The following ATG10 variants were observed in gnomAD, a reference collection of about 807,000 sequenced individuals.
The protein encoded by ATG10 is autophagy related 10, also known as ubiquitin-like-conjugating enzyme ATG10.
Under a neutral mutation model 32.1 loss-of-function variants are expected in ATG10, and 30 were observed. The observed-to-expected ratio is 0.94, with a 90% confidence interval of 0.70 to 1.27. The LOEUF (loss-of-function observed/expected upper bound fraction) is 1.27, where lower values mean the gene tolerates loss of function less well. ATG10 is among the 50% of genes most tolerant of loss of function. The probability of loss-of-function intolerance (pLI) is 0.00; values close to 1 mark genes in which losing one functional copy is unlikely to be tolerated. For synonymous variants in ATG10, 87 were observed against 91.5 expected (o/e 0.95, Z 0.28); for missense variants, 233 against 262.3 (o/e 0.89, Z 0.77).
chr5:82,238,350 C>T lies in ATG10; in HGVS notation c.454-14212C>T, dbSNP rs528456760. Among the ~76,000 whole-genome samples the T allele has an allele frequency of 6.7e-5, 10 of 149,590 alleles. No homozygotes were observed. In the East Asian group the frequency reaches 8.0e-4, roughly 12 times the overall value. ...GTCCTATTACCACGCCCCACCCACCCGACCCCTAACCACTGCCCAGCCATC... is the reference window on the plus strand; with the variant it reads ...GTCCTATTACCACGCCCCACCCACCTGACCCCTAACCACTGCCCAGCCATC... On this transcript the variant is annotated intron_variant, in intron 5 of 7. Transcript: ENST00000282185.
At chr5:82,115,981 G>A (rs566339975) in intron 3 of ATG10, among the ~76,000 whole-genome samples, 132 of 152,234 alleles carry the variant, frequency 8.7e-4, no homozygotes, top group Admixed American at 2.8e-3. Context: ...AACACAGTTT[G>A]CGTAGAAAGT....
intron 2 of ATG10, among the ~76,000 whole-genome samples, chr5:82,001,304 A>T (rs1761842229): frequency 6.6e-6 from 1 of 152,210 alleles, no homozygotes; most frequent in South Asian, 2.1e-4. Context: ...AAACAGTTTT[A>T]AAATTCATAT....
chr5:82,060,540 T>C (rs1763731919), intron 3 of ATG10, among the ~76,000 whole-genome samples: 1 of 152,172 alleles, frequency 6.6e-6, no homozygotes, highest in South Asian at 2.1e-4. Flanking sequence ...GAAATGATAT[T>C]CTAGGTGACT....
At chr5:82,234,889 C>CA (rs1310448276) in intron 5 of ATG10, among the ~76,000 whole-genome samples, 1 of 152,170 alleles carries the variant, frequency 6.6e-6, no homozygotes, top group African/African-American at 2.4e-5. Flanking sequence ...TTTTTGACAA[C>CA]AAAGTATTAC....
intron 4 of ATG10, among the ~76,000 whole-genome samples, chr5:82,177,086 G>A (rs1166944317): frequency 6.6e-6 from 1 of 152,108 alleles, no homozygotes; most frequent in Non-Finnish European, 1.5e-5. Flanking sequence ...AGAATTACTG[G>A]AATAATTGTG....
At chr5:81,985,235 A>G (rs1303928447) in intron 1 of ATG10, among the ~76,000 whole-genome samples, 2 of 152,220 alleles carry the variant, frequency 1.3e-5, no homozygotes, top group Non-Finnish European at 2.9e-5. Flanking sequence ...AGTGTTCTTT[A>G]TGAATGAAAG....
chr5:82,055,196 C>G (rs1763553421), intron 2 of ATG10, among the ~76,000 whole-genome samples: 1 of 151,902 alleles, frequency 6.6e-6, no homozygotes, highest in Non-Finnish European at 1.5e-5. Flanking sequence ...CCAAAAAACT[C>G]TATATTTAAT....
intron 2 of ATG10, among the ~76,000 whole-genome samples, chr5:82,001,367 G>A (rs1023696851): frequency 6.6e-6 from 1 of 152,136 alleles, no homozygotes; most frequent in African/African-American, 2.4e-5. Context: ...AAAGAACAAA[G>A]CTGGAGGCAT....
intron 5 of ATG10, among the ~76,000 whole-genome samples, chr5:82,237,066 G>T (rs1746585496): frequency 6.6e-6 from 1 of 151,548 alleles, no homozygotes; most frequent in Admixed American, 6.6e-5. Flanking sequence ...TCTTTGTCTT[G>T]ACTACTTTCA....
intron 4 of ATG10, among the ~76,000 whole-genome samples, chr5:82,165,209 A>G (rs1206009126): frequency 6.6e-6 from 1 of 152,192 alleles, no homozygotes; most frequent in Admixed American, 6.5e-5. Flanking sequence ...CCGGGTCAGC[A>G]TTGGGATGTG....
intron 1 of ATG10, among the ~76,000 whole-genome samples, chr5:81,979,500 C>T (rs1222706721): frequency 6.6e-6 from 1 of 152,066 alleles, no homozygotes; most frequent in African/African-American, 2.4e-5. Context: ...TGCACTCCAG[C>T]CTGGGCAACA....
At chr5:81,996,187 C>A (rs1761658344) in intron 2 of ATG10, among the ~76,000 whole-genome samples, 1 of 152,028 alleles carries the variant, frequency 6.6e-6, no homozygotes, top group Non-Finnish European at 1.5e-5. Context: ...TTCACAAGAC[C>A]CACTTTACCA....
At chr5:82,152,850 T>TA (rs201784635) in intron 3 of ATG10, among the ~76,000 whole-genome samples, 1,982 of 152,260 alleles carry the variant, frequency 0.013, 37 homozygotes, top group African/African-American at 0.044. Context: ...AGTGTCATGA[T>TA]AAAAAAAGTT....
rs114258121 is a variant in ATG10, at chr5:82,065,017, G to T, written c.216+6415G>T. ...TGGCTTTTGTTAAGTTCTGGCTTTG[G>T]GAAACAGTAGTTCTTAAAAGTTAGT... On this transcript the variant is annotated intron_variant, in intron 3 of 7. Coordinates refer to ENST00000282185, the MANE Select transcript of ATG10 (RefSeq NM_031482.5). 1.4e-3 allele frequency among the ~76,000 whole-genome samples: 215 copies of T among 152,164 alleles called. 2 individuals carry two copies. The highest frequency in any genetic ancestry group is 4.9e-3 in the African/African-American group (203 of 41,498).
chr5:82,208,151 G>T (rs1745369709), intron 5 of ATG10, among the ~76,000 whole-genome samples: 1 of 151,940 alleles, frequency 6.6e-6, no homozygotes, highest in African/African-American at 2.4e-5. Context: ...TCTGTTTTTG[G>T]ATTCTCTGTT....
intron 3 of ATG10, among the ~76,000 whole-genome samples, chr5:82,124,769 A>G (rs2149833027): frequency 6.6e-6 from 1 of 152,166 alleles, no homozygotes; most frequent in East Asian, 1.9e-4. Flanking sequence ...GTGTGTCTTT[A>G]TAGTAGCATG....
At chr5:82,041,563 A>G (rs985078707) in intron 2 of ATG10, among the ~76,000 whole-genome samples, 2 of 152,188 alleles carry the variant, frequency 1.3e-5, no homozygotes, top group African/African-American at 4.8e-5. Flanking sequence ...AAAATAGAAA[A>G]AGGCTCCTAA....
At chr5:81,993,412 T>TCTTTTCTTTC in intron 2 of ATG10, among the ~76,000 whole-genome samples, 2 of 138,644 alleles carry the variant, frequency 1.4e-5, no homozygotes, top group Non-Finnish European at 3.1e-5. Flanking sequence ...TCTTTTCTTT[T>TCTTTTCTTTC]CTTTTCTTTT....
intron 3 of ATG10, among the ~76,000 whole-genome samples, chr5:82,083,248 G>A (rs1764547653): frequency 6.6e-6 from 1 of 152,302 alleles, no homozygotes; most frequent in Non-Finnish European, 1.5e-5. Flanking sequence ...ACAGTAGTCT[G>A]AGATCAAACT....
Sources: allele counts gnomAD v4.1 joint callset (sites outside exome capture counted in the v4.1 genomes callset), GRCh38; gene constraint gnomAD v4.1.1; transcripts MANE v1.5; gene names NCBI Gene and HGNC (gene_info 2026-07-23, HGNC 2026-07-21).